The following CDH13 variants were observed in gnomAD, a reference collection of about 807,000 sequenced individuals.
CDH13 encodes the protein cadherin-13.
CDH13 carries 24 observed loss-of-function variants against 63.8 expected under a neutral mutation model. That is an observed-to-expected ratio of 0.38 (90% CI 0.27 to 0.53). CDH13 has a LOEUF of 0.53. Among genes scored for constraint, CDH13 ranks in the 20% least tolerant of loss-of-function variants. The probability of loss-of-function intolerance (pLI) is 0.85; values close to 1 mark genes in which losing one functional copy is unlikely to be tolerated. For missense variants in CDH13, 1,049 were observed against 903.1 expected (o/e 1.16, Z -2.07); for synonymous variants, 503 against 355.3 (o/e 1.42, Z -4.67).
At chr16:83,558,192 T>C (rs185782365) in intron 7 of CDH13, among the ~76,000 whole-genome samples, 120 of 152,306 alleles carry the variant, frequency 7.9e-4, no homozygotes, top group Non-Finnish European at 1.4e-3. Flanking sequence ...TCACATTTGC[T>C]TTCTGCAAGC....
chr16:83,628,589 C>A (rs1910523561), intron 8 of CDH13, among the ~76,000 whole-genome samples: 1 of 152,180 alleles, frequency 6.6e-6, no homozygotes, highest in African/African-American at 2.4e-5. Flanking sequence ...GCCCTTGATG[C>A]TAAGACTAAC....
At chr16:83,024,085 A>G (rs914252677) in intron 2 of CDH13, among the ~76,000 whole-genome samples, 4 of 152,292 alleles carry the variant, frequency 2.6e-5, no homozygotes, top group Middle Eastern at 3.4e-3. Context: ...CCTGGATTAT[A>G]TACCTGAGTA....
chr16:82,732,002 G>A (rs11647888), intron 1 of CDH13, among the ~76,000 whole-genome samples: 31,415 of 151,956 alleles, frequency 0.21, 3,935 homozygotes, highest in South Asian at 0.34. Context: ...CTCCTTCTTT[G>A]ATCTGCAGCT....
intron 1 of CDH13, among the ~76,000 whole-genome samples, chr16:82,762,403 T>G (rs1435283327): frequency 6.6e-6 from 1 of 152,232 alleles, no homozygotes; most frequent in African/African-American, 2.4e-5. Context: ...TATCTCTTAA[T>G]GCACAAAGTT....
intron 10 of CDH13, among the ~76,000 whole-genome samples, chr16:83,719,675 G>C (rs1473368013): frequency 6.6e-6 from 1 of 152,154 alleles, no homozygotes; most frequent in Non-Finnish European, 1.5e-5. Context: ...GGTATGCACG[G>C]TTACTTCCAT....
intron 1 of CDH13, among the ~76,000 whole-genome samples, chr16:82,843,980 C>G (rs1288396126): frequency 6.6e-6 from 1 of 152,192 alleles, no homozygotes; most frequent in Non-Finnish European, 1.5e-5. Flanking sequence ...ATATTTTGGA[C>G]TACAGCTGTA....
chr16:83,134,961 T>A (rs1383794883), intron 4 of CDH13, among the ~76,000 whole-genome samples: 1 of 152,230 alleles, frequency 6.6e-6, no homozygotes, highest in Non-Finnish European at 1.5e-5. Context: ...TAGAACTTTA[T>A]TGTTATTATG....
intron 2 of CDH13, among the ~76,000 whole-genome samples, chr16:82,985,205 G>T (rs1393386869): frequency 5.3e-5 from 8 of 152,186 alleles, no homozygotes; most frequent in Non-Finnish European, 1.2e-4. Context: ...ATGCACAGGT[G>T]TCCAGGGAAC....
At chr16:83,491,978 C>T (rs937963645) in intron 7 of CDH13, among the ~76,000 whole-genome samples, 1 of 152,070 alleles carries the variant, frequency 6.6e-6, no homozygotes, top group Non-Finnish European at 1.5e-5. Flanking sequence ...ATGAGATATT[C>T]AAGAGTCCTT....
chr16:83,762,427 G>C (rs1237105446), intron 11 of CDH13, among the ~76,000 whole-genome samples: 2 of 152,116 alleles, frequency 1.3e-5, no homozygotes, highest in Non-Finnish European at 2.9e-5. Flanking sequence ...GCGGTAGAGA[G>C]AACATTCGGG....
At chr16:83,156,852 G>A in intron 4 of CDH13, among the ~76,000 whole-genome samples, 1 of 152,132 alleles carries the variant, frequency 6.6e-6, no homozygotes, top group East Asian at 1.9e-4. Context: ...CAGTAGATAG[G>A]CTCATCTCTC....
chr16:82,809,227 A>G (rs1018417181), intron 1 of CDH13, among the ~76,000 whole-genome samples: 3 of 151,832 alleles, frequency 2.0e-5, no homozygotes, highest in Non-Finnish European at 4.4e-5. Context: ...TATTTTAAAC[A>G]TTTGCCAAGC....
intron 10 of CDH13, among the ~76,000 whole-genome samples, chr16:83,730,068 A>G (rs1274556482): frequency 6.6e-6 from 1 of 152,210 alleles, no homozygotes; most frequent in Admixed American, 6.5e-5. Context: ...ATGTGTTGTC[A>G]TCTTGTCATG....
At chr16:83,368,305 T>G (rs536246608) in intron 6 of CDH13, among the ~76,000 whole-genome samples, 1 of 152,214 alleles carries the variant, frequency 6.6e-6, no homozygotes. Context: ...AGATACATAC[T>G]GAGGTAGCAT....
At position 83,713,657 on chromosome 16, in the gene CDH13, A is replaced by G. The variant is rs192117301; in HGVS notation, c.1539-34451A>G. ...ACTCAAACCAGAATGGGGGTGGGGAAAGTGAATTGATGTATCTCACATAAC... is the reference window on the plus strand; with the variant it reads ...ACTCAAACCAGAATGGGGGTGGGGAGAGTGAATTGATGTATCTCACATAAC... On this transcript the variant is annotated intron_variant, in intron 10 of 13. Transcript: ENST00000567109. 1.4e-4 allele frequency among the ~76,000 whole-genome samples: 22 copies of G among 152,310 alleles called. No homozygotes were observed. The East Asian group carries it at 4.2e-3, about 29-fold the overall frequency.
intron 1 of CDH13, among the ~76,000 whole-genome samples, chr16:82,817,510 C>G (rs1012955684): frequency 2.6e-5 from 4 of 152,110 alleles, no homozygotes; most frequent in Non-Finnish European, 5.9e-5. Context: ...CACATATATA[C>G]ATACAAATAT....
chr16:82,650,708 C>T, intron 1 of CDH13, among the ~76,000 whole-genome samples: 1 of 152,196 alleles, frequency 6.6e-6, no homozygotes, highest in Non-Finnish European at 1.5e-5. Flanking sequence ...CTGCTCCCTC[C>T]TGCCCTTGGT....
rs1373449936 is a variant in CDH13 at position 83,047,741 on chromosome 16, A to G, written c.366+15523A>G. Among the ~76,000 whole-genome samples the G allele has an allele frequency of 6.6e-6, 1 of 152,246 alleles. No individual in the cohort carries two copies. The highest frequency in any genetic ancestry group is 1.9e-4 in the East Asian group (1 of 5,200). On this transcript the variant is annotated intron_variant, in intron 3 of 13. Transcript: ENST00000567109. The surrounding 1 kb of genome is among the most constrained non-coding windows in gnomAD (Gnocchi z 4.9). ...AATGCTGGAGACAGAATGAATATTG[A>G]TATTAATAATGCAGATCGTAGTCAA... is the stretch of plus-strand genomic sequence containing the variant.
chr16:83,184,231 C>T (rs1044751450), intron 4 of CDH13, among the ~76,000 whole-genome samples: 1 of 151,872 alleles, frequency 6.6e-6, no homozygotes, highest in African/African-American at 2.4e-5. Context: ...CATCTAGAGG[C>T]TCATGAGGGC....
Sources: gnomAD v4.1 joint callset for allele counts (sites outside exome capture counted in the v4.1 genomes callset) on GRCh38, gnomAD v4.1.1 for gene constraint, Gnocchi (gnomAD v3.1) non-coding constraint, MANE v1.5 for transcripts, NCBI Gene and HGNC (gene_info 2026-07-23, HGNC 2026-07-21) for gene names.